Variants in MACROD2 observed in about 807,000 individuals in gnomAD.
MACROD2 encodes the protein mono-ADP ribosylhydrolase 2.
A neutral mutation model predicts 70.4 loss-of-function variants in MACROD2; 36 were observed. The ratio of observed to expected loss-of-function variants is 0.51; its 90% CI spans 0.39 to 0.68. MACROD2 has a LOEUF of 0.68. Among genes scored for constraint, MACROD2 ranks in the 30% least tolerant of loss-of-function variants. The probability of loss-of-function intolerance (pLI) is 0.00; values close to 1 mark genes in which losing one functional copy is unlikely to be tolerated. For missense variants in MACROD2, 496 were observed against 538.4 expected, an observed-to-expected ratio of 0.92 and a Z score of 0.78; for synonymous variants, 172 against 178.8, an observed-to-expected ratio of 0.96 and a Z score of 0.30.
intron 5 of MACROD2, among the ~76,000 whole-genome samples, chr20:14,832,855 C>T (rs149356361): frequency 3.9e-4 from 60 of 152,126 alleles, no homozygotes; most frequent in African/African-American, 1.1e-3. Flanking sequence ...AGGGGAAAAC[C>T]CAGTGAAGGA....
At chr20:15,018,027 ATGCAAATTTC>A (rs569942058) in intron 5 of MACROD2, among the ~76,000 whole-genome samples, 50 of 152,304 alleles carry the variant, frequency 3.3e-4, no homozygotes, top group African/African-American at 1.2e-3. Flanking sequence ...CTTACTACTT[ATGCAAATTTC>A]TGCAGCCGCC....
At chr20:14,928,160 G>A (rs1408576742) in intron 5 of MACROD2, among the ~76,000 whole-genome samples, 1 of 152,174 alleles carries the variant, frequency 6.6e-6, no homozygotes, top group Non-Finnish European at 1.5e-5. Context: ...AGGAACTCAG[G>A]GGTTTTACTA....
intron 6 of MACROD2, among the ~76,000 whole-genome samples, chr20:15,294,295 A>G (rs2061955835): frequency 6.6e-6 from 1 of 151,954 alleles, no homozygotes; most frequent in Non-Finnish European, 1.5e-5. Flanking sequence ...ACCTTTTCCT[A>G]TGTGTAATGT....
chr20:14,822,469 T>G (rs977124200), intron 5 of MACROD2, among the ~76,000 whole-genome samples: 8 of 152,132 alleles, frequency 5.3e-5, no homozygotes, highest in African/African-American at 1.9e-4. Flanking sequence ...CCATTTGGTG[T>G]GCTTGCAATG....
intron 3 of MACROD2, among the ~76,000 whole-genome samples, chr20:14,449,675 G>C (rs1002340114): frequency 1.3e-5 from 2 of 152,056 alleles, no homozygotes; most frequent in Non-Finnish European, 2.9e-5. Context: ...GATGGTACAG[G>C]TACTCTATAA....
intron 8 of MACROD2, among the ~76,000 whole-genome samples, chr20:15,772,053 C>T (rs2051637809): frequency 7.2e-6 from 1 of 139,416 alleles, no homozygotes; most frequent in South Asian, 2.3e-4. Flanking sequence ...CCACTGCACT[C>T]CAGCCTGAGC....
intron 5 of MACROD2, among the ~76,000 whole-genome samples, chr20:15,095,861 TTG>T (rs11468899): frequency 0.65 from 96,913 of 148,384 alleles, 32,026 homozygotes; most frequent in Non-Finnish European, 0.72. Flanking sequence ...ACCATGTTGT[TTG>T]TGTGTGTGTG....
intron 5 of MACROD2, among the ~76,000 whole-genome samples, chr20:14,749,205 C>A (rs1050069697): frequency 3.9e-5 from 6 of 151,938 alleles, no homozygotes; most frequent in African/African-American, 1.2e-4. Flanking sequence ...AAAATGCAAC[C>A]ATTTCTGCAG....
rs1176227795 is a variant in MACROD2 at position 14,326,612 on chromosome 20, G to A, written c.272-166867G>A. The A allele has an allele frequency of 6.2e-7, 1 of 1,613,700 alleles. No individual in the cohort carries two copies. The highest frequency in any genetic ancestry group is 8.5e-7 in the Non-Finnish European group (1 of 1,179,848). Reference sequence around the variant, plus strand: ...CAGGGATTGTTGCGAAGAATCAGTTGTGTTATATTGTCCAAATCATCAAAG... The same window carrying A: ...CAGGGATTGTTGCGAAGAATCAGTTATGTTATATTGTCCAAATCATCAAAG... On this transcript the variant is annotated intron_variant, in intron 3 of 17. Transcript: ENST00000684519. The surrounding 1 kb of genome is among the most constrained non-coding windows in gnomAD (Gnocchi z 5.5).
intron 4 of MACROD2, among the ~76,000 whole-genome samples, chr20:14,593,807 G>C (rs1294387452): frequency 6.6e-6 from 1 of 151,956 alleles, no homozygotes; most frequent in Non-Finnish European, 1.5e-5. Context: ...TTTTAAAAAA[G>C]TGATCACATT....
At chr20:15,196,509 T>C (rs2076607631) in intron 5 of MACROD2, among the ~76,000 whole-genome samples, 1 of 152,106 alleles carries the variant, frequency 6.6e-6, no homozygotes, top group African/African-American at 2.4e-5. Flanking sequence ...ACCATAATCC[T>C]TGGGATTATA....
intron 5 of MACROD2, among the ~76,000 whole-genome samples, chr20:15,072,212 TTTG>T (rs2075624251): frequency 6.6e-6 from 1 of 152,206 alleles, no homozygotes; most frequent in South Asian, 2.1e-4. Context: ...CAATGATTCC[TTTG>T]TTGACAAATA....
At chr20:14,407,554 C>A (rs1461900482) in intron 3 of MACROD2, among the ~76,000 whole-genome samples, 1 of 152,104 alleles carries the variant, frequency 6.6e-6, no homozygotes, top group African/African-American at 2.4e-5. Flanking sequence ...ATTTAATAGA[C>A]TAAAAAGCCA....
chr20:14,118,842 A>ATTTTT (rs1225541555), intron 3 of MACROD2, among the ~76,000 whole-genome samples: 2 of 121,238 alleles, frequency 1.6e-5, no homozygotes, highest in Non-Finnish European at 3.5e-5. Context: ...AGTGACTGTG[A>ATTTTT]TTTTTTTTTT....
intron 5 of MACROD2, among the ~76,000 whole-genome samples, chr20:14,686,341 A>G (rs1185243298): frequency 2.0e-5 from 3 of 152,180 alleles, no homozygotes; most frequent in African/African-American, 7.2e-5. Flanking sequence ...TACACATAAC[A>G]TGAGTGTGAT....
intron 4 of MACROD2, among the ~76,000 whole-genome samples, chr20:14,504,444 T>C (rs2084947839): frequency 6.6e-6 from 1 of 152,210 alleles, no homozygotes. Flanking sequence ...CCCCTTTTAA[T>C]CATTGTACTG....
At chr20:15,113,841 C>T (rs537428565) in intron 5 of MACROD2, among the ~76,000 whole-genome samples, 1 of 150,580 alleles carries the variant, frequency 6.6e-6, no homozygotes. Flanking sequence ...TTTTATGGAA[C>T]AGGATATCTC....
chr20:15,240,045 G>C (rs2077047813), intron 6 of MACROD2, among the ~76,000 whole-genome samples: 1 of 152,130 alleles, frequency 6.6e-6, no homozygotes, highest in African/African-American at 2.4e-5. Flanking sequence ...CTCCATTTCT[G>C]TCAGAGAAGA....
intron 6 of MACROD2, among the ~76,000 whole-genome samples, chr20:15,426,890 G>C (rs755441638): frequency 7.2e-5 from 11 of 152,118 alleles, no homozygotes; most frequent in African/African-American, 2.2e-4. Context: ...GAAATCTCAT[G>C]CTACTCACTT....
Sources: gnomAD v4.1 joint callset for allele counts (sites outside exome capture counted in the v4.1 genomes callset) on GRCh38, gnomAD v4.1.1 for gene constraint, Gnocchi (gnomAD v3.1) non-coding constraint, MANE v1.5 for transcripts, NCBI Gene and HGNC (gene_info 2026-07-23, HGNC 2026-07-21) for gene names.